Variants in RNF180 observed in about 807,000 individuals in gnomAD.
The protein encoded by RNF180 is ring finger protein 180, also known as E3 ubiquitin-protein ligase RNF180.
Under a neutral mutation model 59.2 loss-of-function variants are expected in RNF180, and 38 were observed. The observed-to-expected ratio is 0.64, with a 90% CI of 0.50 to 0.84. The LOEUF is 0.84. Among genes scored for constraint, RNF180 ranks in the 40% least tolerant of loss-of-function variants. The probability of loss-of-function intolerance (pLI) is 0.00; values close to 1 mark genes in which losing one functional copy is unlikely to be tolerated. For missense variants in RNF180, 705 were observed against 700.9 expected, an observed-to-expected ratio of 1.01 and a Z score of -0.07; for synonymous variants, 262 against 240.3, an observed-to-expected ratio of 1.09 and a Z score of -0.84.
chr5:64,309,664 TTGAAG>T (rs1467417962), intron 5 of RNF180, among the ~76,000 whole-genome samples: 4 of 151,548 alleles, frequency 2.6e-5, no homozygotes, highest in African/African-American at 4.8e-5. Context: ...CTTTAATATA[TTGAAG>T]TGATTTGTTT....
At chr5:64,189,982 C>T (rs1751057570) in intron 1 of RNF180, among the ~76,000 whole-genome samples, 1 of 152,158 alleles carries the variant, frequency 6.6e-6, no homozygotes, top group Admixed American at 6.5e-5. Flanking sequence ...AGAGATGCCT[C>T]CACAGGCCCA....
rs557961814 is a variant in RNF180 at position 64,302,484 on chromosome 5, G to T, written c.1228-22702G>T. ...ATATTGAAGTATATATGTCTTTTTA[G>T]GGCTGAGAAACTTTTTCAGGCTACT... On this transcript the variant is annotated intron_variant, in intron 5 of 7. Coordinates refer to ENST00000389100, the MANE Select transcript of RNF180 (RefSeq NM_001113561.2). Among the ~76,000 whole-genome samples, 14 of 151,484 alleles carry T rather than the reference G, an allele frequency of 9.2e-5. No individual in the cohort carries two copies. In the East Asian group the frequency reaches 2.3e-3, roughly 25 times the overall value.
chr5:64,291,513 C>T (rs566191319), intron 5 of RNF180, among the ~76,000 whole-genome samples: 1 of 149,306 alleles, frequency 6.7e-6, no homozygotes, highest in African/African-American at 2.5e-5. Context: ...CAAGCTCCGC[C>T]TGCCGGGTTC....
At chr5:64,255,445 T>C (rs1057514272) in intron 5 of RNF180, among the ~76,000 whole-genome samples, 1 of 152,074 alleles carries the variant, frequency 6.6e-6, no homozygotes, top group African/African-American at 2.4e-5. Context: ...TGAGAACATG[T>C]GGTGTATGGT....
chr5:64,188,424 T>A (rs1750975317), intron 1 of RNF180, among the ~76,000 whole-genome samples: 1 of 152,128 alleles, frequency 6.6e-6, no homozygotes, highest in Admixed American at 6.5e-5. Flanking sequence ...AGTACATATT[T>A]TTAAGTGCCG....
rs555844261 is a variant in RNF180 at position 64,264,442 on chromosome 5, C to T, written c.1227+47046C>T. ...TCCCCTCCCGGTGTCCATGTGTTCT[C>T]ATTGTTCAGTTCCCACTTATGAGTG... is the stretch of plus-strand genomic sequence containing the variant. On this transcript the variant is annotated intron_variant, in intron 5 of 7. Transcript: ENST00000389100. Among the ~76,000 whole-genome samples, 31 of 152,180 alleles carry T rather than the reference C, an allele frequency of 2.0e-4. No individual in the cohort carries two copies. In the East Asian group the frequency reaches 6.0e-3, roughly 30 times the overall value.
At chr5:64,273,213 C>G (rs79504989) in intron 5 of RNF180, among the ~76,000 whole-genome samples, 1 of 151,820 alleles carries the variant, frequency 6.6e-6, no homozygotes, top group African/African-American at 2.4e-5. Context: ...TTACTCTATA[C>G]GGTCTAAAAA....
intron 7 of RNF180, among the ~76,000 whole-genome samples, chr5:64,335,705 C>T (rs1283809487): frequency 1.3e-5 from 2 of 152,120 alleles, no homozygotes; most frequent in Non-Finnish European, 2.9e-5. Flanking sequence ...GATATCCCCC[C>T]TTCCAATTTG....
At chr5:64,260,837 C>A (rs1744295736) in intron 5 of RNF180, among the ~76,000 whole-genome samples, 1 of 151,990 alleles carries the variant, frequency 6.6e-6, no homozygotes, top group Non-Finnish European at 1.5e-5. Flanking sequence ...GTATTATATA[C>A]AATTTTCTTA....
At chr5:64,356,492 C>T (rs1348470185) in intron 7 of RNF180, among the ~76,000 whole-genome samples, 2 of 151,880 alleles carry the variant, frequency 1.3e-5, no homozygotes, top group Non-Finnish European at 2.9e-5. Context: ...TATGACTCTA[C>T]AGTTCTGTGT....
At chr5:64,305,655 A>C (rs1474126227) in intron 5 of RNF180, among the ~76,000 whole-genome samples, 1 of 151,624 alleles carries the variant, frequency 6.6e-6, no homozygotes, top group Non-Finnish European at 1.5e-5. Flanking sequence ...AAGTACCTCT[A>C]TTCCTGATAC....
intron 5 of RNF180, among the ~76,000 whole-genome samples, chr5:64,224,478 C>T (rs562302791): frequency 5.3e-5 from 8 of 152,130 alleles, no homozygotes; most frequent in African/African-American, 1.9e-4. Context: ...TGATTACGAG[C>T]AAGGGGGAAA....
chr5:64,322,590 AATAT>A (rs939349888), intron 5 of RNF180, among the ~76,000 whole-genome samples: 3 of 132,200 alleles, frequency 2.3e-5, no homozygotes, highest in South Asian at 2.6e-4. Context: ...TATATAACGG[AATAT>A]ATATATACGT....
At chr5:64,330,829 GC>G (rs1744874534) in intron 7 of RNF180, among the ~76,000 whole-genome samples, 3 of 152,234 alleles carry the variant, frequency 2.0e-5, no homozygotes, top group Admixed American at 2.0e-4. Context: ...ACAGGTGGGA[GC>G]CCTGCCCCTT....
intron 1 of RNF180, among the ~76,000 whole-genome samples, chr5:64,182,245 C>A (rs576931306): frequency 1.3e-5 from 2 of 152,138 alleles, no homozygotes; most frequent in East Asian, 3.9e-4. Context: ...CCCGCTTTGG[C>A]CTCCCAAAGT....
intron 6 of RNF180, among the ~76,000 whole-genome samples, chr5:64,329,814 A>T (rs1173964201): frequency 1.3e-5 from 2 of 152,294 alleles, no homozygotes; most frequent in Middle Eastern, 3.4e-3. Flanking sequence ...TTCACTTCCT[A>T]TGAGAATCTA....
chr5:64,247,267 A>G lies in RNF180; in HGVS notation c.1227+29871A>G, dbSNP rs558997752. The stretch of plus-strand genomic sequence containing the variant: ...AGTATTGGAAGTTGTGGCCAGGGTA[A>G]TCAAGCAAGGGAAAGAAATAAAGAG... On this transcript the variant is annotated intron_variant, in intron 5 of 7. Coordinates refer to ENST00000389100, the MANE Select transcript of RNF180 (RefSeq NM_001113561.2). Among the ~76,000 whole-genome samples the G allele has an allele frequency of 5.3e-4, 81 of 152,330 alleles. 1 individual carries two copies. The highest frequency in any genetic ancestry group is 2.3e-3 in the South Asian group (11 of 4,828).
At chr5:64,216,291 A>G (rs1580025815) in intron 4 of RNF180, among the ~76,000 whole-genome samples, 1 of 152,184 alleles carries the variant, frequency 6.6e-6, no homozygotes, top group African/African-American at 2.4e-5. Flanking sequence ...TGCTAATTCA[A>G]GCAAAAAGAC....
chr5:64,278,202 A>G (rs1407867811), intron 5 of RNF180, among the ~76,000 whole-genome samples: 1 of 152,202 alleles, frequency 6.6e-6, no homozygotes, highest in African/African-American at 2.4e-5. Context: ...GTGGAAGACA[A>G]TGGCAGGGCC....
Sources: gnomAD v4.1 joint callset for allele counts (sites outside exome capture counted in the v4.1 genomes callset) on GRCh38, gnomAD v4.1.1 for gene constraint, MANE v1.5 for transcripts, NCBI Gene and HGNC (gene_info 2026-07-23, HGNC 2026-07-21) for gene names.